The following CSNK1G1 variants were observed in gnomAD, a reference collection of about 807,000 sequenced individuals.
The protein encoded by CSNK1G1 is casein kinase 1 gamma 1.
In CSNK1G1, 22 loss-of-function variants were observed where a neutral mutation model predicts 59.6. The ratio of observed to expected loss-of-function variants is 0.37; its 90% confidence interval spans 0.26 to 0.53. The LOEUF (loss-of-function observed/expected upper bound fraction) is 0.53. Ranked by LOEUF, CSNK1G1 falls within the 20% of genes least tolerant of loss-of-function variation. The pLI is 0.89. For synonymous variants in CSNK1G1, 179 were observed against 177.1 expected, an observed-to-expected ratio of 1.01 and a Z score of -0.08; for missense variants, 384 against 519.5, an observed-to-expected ratio of 0.74 and a Z score of 2.54.
At chr15:64,196,433 A>G (rs1339953338) in intron 10 of CSNK1G1, among the ~76,000 whole-genome samples, 1 of 152,116 alleles carries the variant, frequency 6.6e-6, no homozygotes, top group Non-Finnish European at 1.5e-5. Context: ...GTGATGGAAA[A>G]GAACTAATAA....
chr15:64,260,120 T>C (rs1322905510), intron 2 of CSNK1G1, among the ~76,000 whole-genome samples: 1 of 152,322 alleles, frequency 6.6e-6, no homozygotes, highest in East Asian at 1.9e-4. Context: ...ATCATGTAGT[T>C]CAGCCACTGC....
At chr15:64,308,264 T>C (rs1895793561) in intron 1 of CSNK1G1, among the ~76,000 whole-genome samples, 1 of 152,070 alleles carries the variant, frequency 6.6e-6, no homozygotes, top group Non-Finnish European at 1.5e-5. Context: ...TACATTTTTG[T>C]TTATTATATT....
rs1411158565 is a variant in CSNK1G1, at chr15:64,330,352, G to A, written c.-225+25636C>T. Among the ~76,000 whole-genome samples the A allele has an allele frequency of 2.0e-5, 3 of 150,100 alleles. No homozygotes were observed. The South Asian group carries it at 6.4e-4, about 32-fold the overall frequency. ...ATGATCAAGTGGGCTTCATCCCTGGGATGCAAGGCTGGTTCAATATACGCA... is the reference window on the plus strand; with the variant it reads ...ATGATCAAGTGGGCTTCATCCCTGGAATGCAAGGCTGGTTCAATATACGCA... On this transcript the variant is annotated intron_variant, in intron 1 of 11. Transcript: ENST00000303052.
At chr15:64,196,538 G>T (rs887909115) in intron 10 of CSNK1G1, among the ~76,000 whole-genome samples, 1 of 151,166 alleles carries the variant, frequency 6.6e-6, no homozygotes, top group African/African-American at 2.4e-5. Flanking sequence ...CACAAACTCT[G>T]CCTCCCGGGT....
At chr15:64,350,960 G>T (rs1279994882) in intron 1 of CSNK1G1, among the ~76,000 whole-genome samples, 3 of 151,546 alleles carry the variant, frequency 2.0e-5, no homozygotes, top group Non-Finnish European at 2.9e-5. Context: ...GGGCAGAAAT[G>T]AGTAGAGACA....
chr15:64,179,421 G>A (rs953461215), intron 11 of CSNK1G1, among the ~76,000 whole-genome samples: 2 of 151,514 alleles, frequency 1.3e-5, no homozygotes, highest in African/African-American at 4.9e-5. Context: ...GGGCTCATGA[G>A]ACTACTTAGG....
intron 5 of CSNK1G1, among the ~76,000 whole-genome samples, chr15:64,215,301 C>T (rs1210515785): frequency 1.3e-5 from 2 of 148,910 alleles, no homozygotes; most frequent in Admixed American, 1.4e-4. Flanking sequence ...CAAGCTCCAC[C>T]TCCTGGGTTC....
At chr15:64,344,416 G>A (rs939235738) in intron 1 of CSNK1G1, among the ~76,000 whole-genome samples, 2 of 152,022 alleles carry the variant, frequency 1.3e-5, no homozygotes, top group Admixed American at 6.6e-5. Flanking sequence ...GATTATCTCC[G>A]CTGTGCAAAA....
chr15:64,180,782 G>C (rs2081803232), intron 10 of CSNK1G1, among the ~76,000 whole-genome samples: 1 of 152,168 alleles, frequency 6.6e-6, no homozygotes, highest in Admixed American at 6.5e-5. Context: ...CTTAACCAAG[G>C]TTTAGAGTTA....
intron 1 of CSNK1G1, among the ~76,000 whole-genome samples, chr15:64,321,857 T>G (rs559836089): frequency 6.6e-6 from 1 of 152,240 alleles, no homozygotes; most frequent in Non-Finnish European, 1.5e-5. Flanking sequence ...GGAGTTACAG[T>G]TATGATTTGG....
intron 2 of CSNK1G1, among the ~76,000 whole-genome samples, chr15:64,280,316 T>A (rs1282846437): frequency 2.0e-5 from 3 of 151,974 alleles, no homozygotes; most frequent in Non-Finnish European, 2.9e-5. Context: ...GTTGAGCTGA[T>A]ATAACAATCG....
rs1055707999 is a variant in CSNK1G1, at chr15:64,210,926, C to T, written c.679+2964G>A. ...CAAGAAAGCAGGTTGGTGAGAAGAG[C>T]CTAGCACCCCCCTTCCCATGTGATC... On this transcript the variant is annotated intron_variant, in intron 6 of 11. Transcript: ENST00000303052. The surrounding 1 kb of genome is among the most constrained non-coding windows in gnomAD (Gnocchi z 4.2). Among the ~76,000 whole-genome samples the T allele has an allele frequency of 6.6e-6, 1 of 152,118 alleles. No homozygotes were observed. The highest frequency in any genetic ancestry group is 2.4e-5 in the African/African-American group (1 of 41,412).
intron 1 of CSNK1G1, among the ~76,000 whole-genome samples, chr15:64,312,315 G>T (rs1391825935): frequency 6.6e-6 from 1 of 152,088 alleles, no homozygotes; most frequent in East Asian, 1.9e-4. Flanking sequence ...TAAGCAAAAA[G>T]AACAAAGCTG....
At chr15:64,178,281 C>T (rs1213290778) in intron 11 of CSNK1G1, among the ~76,000 whole-genome samples, 1 of 152,044 alleles carries the variant, frequency 6.6e-6, no homozygotes, top group Non-Finnish European at 1.5e-5. Context: ...AGCATGTTTC[C>T]TTATTAAAAT....
chr15:64,208,331 C>G (rs2082208913), intron 6 of CSNK1G1, among the ~76,000 whole-genome samples: 1 of 152,062 alleles, frequency 6.6e-6, no homozygotes, highest in African/African-American at 2.4e-5. Flanking sequence ...GACCTCATCC[C>G]AAAACAAAAT....
rs1212675017 is a variant in CSNK1G1, at chr15:64,216,985, A to G, written c.293-272T>C. ...AAACATTTCCACTGCTATAAGATAG[A>G]GAATGGTCCCTGATCCATTGGATCT... is the stretch of plus-strand genomic sequence containing the variant. On this transcript the variant is annotated intron_variant, in intron 4 of 11. Coordinates refer to ENST00000303052, the MANE Select transcript of CSNK1G1 (RefSeq NM_022048.5). The surrounding 1 kb of genome is among the most constrained non-coding windows in gnomAD (Gnocchi z 4.6). Among the ~76,000 whole-genome samples the G allele has an allele frequency of 6.6e-6, 1 of 152,258 alleles. No individual in the cohort carries two copies. The highest frequency in any genetic ancestry group is 1.5e-5 in the Non-Finnish European group (1 of 68,044).
chr15:64,180,768 A>G (rs1244445988), intron 10 of CSNK1G1, among the ~76,000 whole-genome samples: 1 of 152,268 alleles, frequency 6.6e-6, no homozygotes, highest in Non-Finnish European at 1.5e-5. Flanking sequence ...ACACTAACAA[A>G]TGACTTAACC....
rs920723895 is a variant in CSNK1G1, at chr15:64,214,753, C to T, written c.445-629G>A. Among the ~76,000 whole-genome samples, 2 of 152,122 alleles carry T rather than the reference C, an allele frequency of 1.3e-5. No homozygotes were observed. Among genetic ancestry groups the T allele is most frequent in the African/African-American group, 4.8e-5 (2 of 41,408 alleles). The stretch of plus-strand genomic sequence containing the variant: ...TCCTGGGTTCTAGCAATTCTCGTGC[C>T]TCAGCCTCCCGGGTAGCTGGGATTA... On this transcript the variant is annotated intron_variant, in intron 5 of 11. Coordinates refer to ENST00000303052, the MANE Select transcript of CSNK1G1 (RefSeq NM_022048.5). This position sits in a 1 kb window ranked among gnomAD's most constrained non-coding sequence, Gnocchi z 4.3.
chr15:64,179,996 T>C (rs1179567201), intron 11 of CSNK1G1: 4 of 192,040 alleles, frequency 2.1e-5, no homozygotes, highest in African/African-American at 9.2e-5. Flanking sequence ...CTATTCAGCA[T>C]GGCCCATGGT....
Sources: allele counts gnomAD v4.1 joint callset (sites outside exome capture counted in the v4.1 genomes callset), GRCh38; gene constraint gnomAD v4.1.1; non-coding constraint Gnocchi (gnomAD v3.1); transcripts MANE v1.5; gene names NCBI Gene and HGNC (gene_info 2026-07-23, HGNC 2026-07-21).